Variants in TAX1BP1 observed in about 807,000 individuals in gnomAD.
TAX1BP1 encodes tax1-binding protein 1.
In TAX1BP1, 62 loss-of-function variants were observed where a neutral mutation model predicts 97.7. The observed-to-expected ratio is 0.63, with a 90% CI of 0.52 to 0.78. The LOEUF is 0.78. TAX1BP1 is among the 30% of genes least tolerant of loss of function. The pLI is 0.00. For missense variants in TAX1BP1, 867 were observed against 916.1 expected, an observed-to-expected ratio of 0.95 and a Z score of 0.69; for synonymous variants, 340 against 304.2, an observed-to-expected ratio of 1.12 and a Z score of -1.23.
intron 7 of TAX1BP1, 112 bp downstream of exon 7, chr7:27,785,601 C>T (rs879202026): frequency 1.2e-5 from 10 of 851,926 alleles, no homozygotes; most frequent in African/African-American, 1.7e-5. Context: ...GGTTCTGGCT[C>T]TAGCCTCTTG....
At chr7:27,753,194 G>A (rs1242249708) in intron 2 of TAX1BP1, among the ~76,000 whole-genome samples, 1 of 152,194 alleles carries the variant, frequency 6.6e-6, no homozygotes, top group Non-Finnish European at 1.5e-5. Context: ...CAGCTACTCA[G>A]GAGGCTGAGA....
chr7:27,823,189 A>G (rs1025268247), intron 15 of TAX1BP1, among the ~76,000 whole-genome samples: 1 of 152,192 alleles, frequency 6.6e-6, no homozygotes, highest in African/African-American at 2.4e-5. Flanking sequence ...AACATCTCAT[A>G]AGAAGAGGAG....
intron 15 of TAX1BP1, among the ~76,000 whole-genome samples, chr7:27,823,360 T>G (rs1791051160): frequency 6.6e-6 from 1 of 152,256 alleles, no homozygotes; most frequent in South Asian, 2.1e-4. Context: ...GTGTGAATAC[T>G]CTTGAACTAA....
intron 2 of TAX1BP1, among the ~76,000 whole-genome samples, chr7:27,751,897 C>T (rs951329869): frequency 1.3e-5 from 2 of 152,152 alleles, no homozygotes; most frequent in Non-Finnish European, 2.9e-5. Context: ...AAGCGATCCA[C>T]CCGCCTCAGC....
At chr7:27,804,130 G>A (rs1467753522) in intron 13 of TAX1BP1, among the ~76,000 whole-genome samples, 1 of 152,144 alleles carries the variant, frequency 6.6e-6, no homozygotes, top group Non-Finnish European at 1.5e-5. Flanking sequence ...CTAATGAGAT[G>A]GTTGTAATAT....
At chr7:27,800,311 G>A (rs1034163733) in intron 13 of TAX1BP1, among the ~76,000 whole-genome samples, 2 of 152,076 alleles carry the variant, frequency 1.3e-5, no homozygotes, top group Non-Finnish European at 2.9e-5. Flanking sequence ...TTAATTCTGT[G>A]GGTTCAGATG....
In TAX1BP1 at chr7:27,824,570, A is replaced by T. The variant is rs566435110; in HGVS notation, c.2086-3168A>T. ...GTCTCAAAAAAAAAAAAAAAAAAAA[A>T]AAATTACTGTTCAAATGTCCAAGGT... is the stretch of plus-strand genomic sequence containing the variant. On this transcript the variant is annotated intron_variant, in intron 15 of 16. Coordinates refer to ENST00000396319, the MANE Select transcript of TAX1BP1 (RefSeq NM_006024.7). Among the ~76,000 whole-genome samples the T allele has an allele frequency of 4.6e-4, 70 of 151,778 alleles. No homozygotes were observed. The East Asian group carries it at 0.013, about 29-fold the overall frequency.
In TAX1BP1 at chr7:27,793,124, G is replaced by T; in HGVS notation, c.1322G>T (p.Arg441Leu). The change falls in exon 10 of 17, where the codon CGT becomes CTT. Residue 441 changes from arginine (R) to leucine (L), a missense_variant. By Grantham distance (102) the Arg-to-Leu change is moderately radical. Around this residue, in one of 3 missense-constraint regions of TAX1BP1, gnomAD observed 822 missense variants for 851.4 expected, o/e 0.97. Coordinates refer to ENST00000396319, the MANE Select transcript of TAX1BP1 (RefSeq NM_006024.7). ...AGAGAAGTTGAAGATCTGAAACTCC[G>T]TCTTCAGATGGCTGCAGACCATTAT... ...LRREVEDLKL[R>L]LQMAADHYKE... 2 of 1,605,516 alleles carry T rather than the reference G, an allele frequency of 1.2e-6. No individual in the cohort carries two copies. Among genetic ancestry groups the T allele is most frequent in the Non-Finnish European group, 1.7e-6 (2 of 1,177,632 alleles).
chr7:27,766,713 C>T (rs901041750), intron 4 of TAX1BP1, among the ~76,000 whole-genome samples: 2 of 151,890 alleles, frequency 1.3e-5, no homozygotes, highest in African/African-American at 2.4e-5. Context: ...AGAATGTTAC[C>T]GATTTGGGGA....
At chr7:27,819,785 A>C (rs893925857) in intron 15 of TAX1BP1, among the ~76,000 whole-genome samples, 3 of 152,234 alleles carry the variant, frequency 2.0e-5, no homozygotes, top group Admixed American at 6.5e-5. Context: ...TAACCATTGT[A>C]TGTTGGAGAC....
rs568731759 is a variant in TAX1BP1 at position 27,817,099 on chromosome 7, G to A, written c.2085+61G>A. 3.2e-6 allele frequency: 5 copies of A among 1,568,346 alleles called. No homozygotes were observed. The East Asian group carries it at 6.7e-5, about 21-fold the overall frequency. ...TTTTATTTTTTAGCTTATGTAGAGA[G>A]TTAAGGGTATGTGTGCATATGTGTA... On this transcript the variant is annotated intron_variant, in intron 15 of 16. Coordinates refer to ENST00000396319, the MANE Select transcript of TAX1BP1 (RefSeq NM_006024.7).
chr7:27,777,460 C>T (rs1789074295), intron 5 of TAX1BP1, among the ~76,000 whole-genome samples: 1 of 152,170 alleles, frequency 6.6e-6, no homozygotes, highest in East Asian at 1.9e-4. Context: ...ATGAGTTTTT[C>T]CACTCTGGCT....
At chr7:27,772,412 A>AT in intron 5 of TAX1BP1, 1 of 152,156 alleles carries the variant, frequency 6.6e-6, no homozygotes, top group African/African-American at 2.4e-5. Context: ...ATCATCTATA[A>AT]TTTCATTTAA....
intron 2 of TAX1BP1, among the ~76,000 whole-genome samples, chr7:27,755,794 A>G (rs1048465229): frequency 2.0e-5 from 3 of 152,172 alleles, no homozygotes; most frequent in African/African-American, 7.2e-5. Flanking sequence ...GGTATCTGTG[A>G]CTACAATTAA....
chr7:27,765,016 T>G (rs1266672431), intron 3 of TAX1BP1, among the ~76,000 whole-genome samples: 50 of 320 alleles, frequency 0.16, 1 homozygote, highest in Admixed American at 0.25. Flanking sequence ...TCTGTTTTTT[T>G]TTTTTTTTTT....
chr7:27,768,415 C>A (rs1354839833), intron 4 of TAX1BP1, among the ~76,000 whole-genome samples: 2 of 151,842 alleles, frequency 1.3e-5, no homozygotes, highest in Non-Finnish European at 2.9e-5. Context: ...AATTTGAATT[C>A]TTCTAAAAAT....
At chr7:27,766,130 G>A (rs532697189) in intron 4 of TAX1BP1, 109 bp downstream of exon 4, 4 of 1,184,166 alleles carry the variant, frequency 3.4e-6, no homozygotes, top group South Asian at 3.1e-5. Flanking sequence ...CACAAAAATC[G>A]AATGCTTTGG....
intron 7 of TAX1BP1, among the ~76,000 whole-genome samples, chr7:27,786,966 C>G (rs1230871046): frequency 2.6e-5 from 4 of 152,194 alleles, no homozygotes; most frequent in African/African-American, 9.7e-5. Context: ...CACATTGAAA[C>G]TAAATGATAT....
At chr7:27,775,534 G>C (rs1025328351) in intron 5 of TAX1BP1, among the ~76,000 whole-genome samples, 1 of 152,158 alleles carries the variant, frequency 6.6e-6, no homozygotes, top group South Asian at 2.1e-4. Flanking sequence ...ATTTTCCAGA[G>C]TTCTCTTCTC....
Sources: gnomAD v4.1 joint callset for allele counts (sites outside exome capture counted in the v4.1 genomes callset) on GRCh38, gnomAD v4.1.1 for gene constraint, gnomAD v4.1.1 regional missense constraint, MANE v1.5 for transcripts, NCBI Gene and HGNC (gene_info 2026-07-23, HGNC 2026-07-21) for gene names.